Variants in PCBP3 observed in about 807,000 individuals in gnomAD.
The protein encoded by PCBP3 is poly(rC) binding protein 3, also known as poly(rC)-binding protein 3.
In PCBP3, 25 loss-of-function variants were observed where a neutral mutation model predicts 52.7. The ratio of observed to expected loss-of-function variants is 0.47; its 90% CI spans 0.35 to 0.66. PCBP3 has a LOEUF of 0.66. Ranked by LOEUF, PCBP3 falls within the 30% of genes least tolerant of loss-of-function variation. The probability of loss-of-function intolerance (pLI) is 0.01; values close to 1 mark genes in which losing one functional copy is unlikely to be tolerated. For synonymous variants in PCBP3, 162 were observed against 183.0 expected (o/e 0.89, Z 0.93); for missense variants, 391 against 490.3 (o/e 0.80, Z 1.91).
At chr21:45,646,129 G>GTGTGTGTC (rs2079296916) in intron 1 of PCBP3, among the ~76,000 whole-genome samples, 1 of 146,040 alleles carries the variant, frequency 6.8e-6, no homozygotes, top group African/African-American at 2.5e-5. Context: ...GTGTGTGTGT[G>GTGTGTGTC]TGTGTGTGTG....
intron 1 of PCBP3, among the ~76,000 whole-genome samples, chr21:45,667,507 C>T (rs2147206276): frequency 6.6e-6 from 1 of 152,172 alleles, no homozygotes; most frequent in Non-Finnish European, 1.5e-5. Context: ...TTTTTAACTC[C>T]AGAATTTTTA....
intron 4 of PCBP3, among the ~76,000 whole-genome samples, chr21:45,834,792 A>C (rs1199416846): frequency 6.6e-6 from 1 of 152,246 alleles, no homozygotes; most frequent in East Asian, 1.9e-4. Flanking sequence ...AGCTGCCTCT[A>C]GAGGAGAGCA....
chr21:45,784,492 T>G (rs922483406), intron 4 of PCBP3, among the ~76,000 whole-genome samples: 30 of 151,464 alleles, frequency 2.0e-4, no homozygotes, highest in Admixed American at 4.6e-4. Context: ...CTCTTTCCAC[T>G]GTCTCCCTCT....
chr21:45,697,445 TA>T (rs565003173), intron 2 of PCBP3, among the ~76,000 whole-genome samples: 1 of 152,122 alleles, frequency 6.6e-6, no homozygotes, highest in Admixed American at 6.5e-5. Context: ...ACAAACCACT[TA>T]AAAAATATCA....
At chr21:45,683,575 A>G (rs981214818) in intron 2 of PCBP3, among the ~76,000 whole-genome samples, 21 of 152,232 alleles carry the variant, frequency 1.4e-4, no homozygotes, top group Admixed American at 1.2e-3. Flanking sequence ...AAGTCAGGAT[A>G]GAGTTTTCCA....
In PCBP3 at chr21:45,737,008, G is replaced by A. The variant is rs181996398; in HGVS notation, c.-162+1579G>A. 1.2e-3 allele frequency among the ~76,000 whole-genome samples: 188 copies of A among 152,246 alleles called. 1 individual carries two copies. The highest frequency in any genetic ancestry group is 4.4e-3 in the African/African-American group (184 of 41,544). ...GAGGTGCACGTGTGAGCCCCTTGGT[G>A]CAGGAGGTGAGGAGCTGCAGGGCCA... On this transcript the variant is annotated intron_variant, in intron 3 of 17. Coordinates refer to ENST00000681687, the MANE Select transcript of PCBP3 (RefSeq NM_001384156.1). This position sits in a 1 kb window ranked among gnomAD's most constrained non-coding sequence, Gnocchi z 4.9.
chr21:45,838,453 G>C (rs1302317089), intron 4 of PCBP3, among the ~76,000 whole-genome samples: 4 of 152,094 alleles, frequency 2.6e-5, no homozygotes, highest in African/African-American at 9.7e-5. Flanking sequence ...ACCACAGCGT[G>C]AGTATTAGGA....
intron 3 of PCBP3, among the ~76,000 whole-genome samples, chr21:45,747,660 A>G (rs1357092645): frequency 1.3e-5 from 2 of 152,232 alleles, no homozygotes; most frequent in Admixed American, 6.5e-5. Flanking sequence ...GCTCTCAGTC[A>G]CAGAGGCTGC....
intron 6 of PCBP3, among the ~76,000 whole-genome samples, chr21:45,896,845 G>C (rs1190362357): frequency 6.9e-6 from 1 of 145,348 alleles, no homozygotes; most frequent in South Asian, 2.2e-4. Context: ...TGCACTGCCC[G>C]GGCCATTGTC....
chr21:45,774,300 G>A (rs55842944), intron 4 of PCBP3, among the ~76,000 whole-genome samples: 5,212 of 151,568 alleles, frequency 0.034, 193 homozygotes, highest in East Asian at 0.11. Flanking sequence ...CCAGCTACTC[G>A]GGAGGCTGAG....
chr21:45,839,561 A>G (rs2093656218), intron 4 of PCBP3, among the ~76,000 whole-genome samples: 1 of 152,200 alleles, frequency 6.6e-6, no homozygotes, highest in African/African-American at 2.4e-5. Context: ...GAGAAAGGTA[A>G]TTTGGCTTCA....
At chr21:45,938,663 A>G (rs401411) in intron 16 of PCBP3, among the ~76,000 whole-genome samples, 53,676 of 151,822 alleles carry the variant, frequency 0.35, 10,154 homozygotes, top group African/African-American at 0.43. Flanking sequence ...GGGGTCTGAG[A>G]GGTGTGGGGG....
intron 4 of PCBP3, among the ~76,000 whole-genome samples, chr21:45,792,472 A>T (rs907418174): frequency 7.2e-5 from 11 of 152,190 alleles, no homozygotes. Flanking sequence ...TTTCTTTTTT[A>T]AAAAAGACAG....
intron 3 of PCBP3, among the ~76,000 whole-genome samples, chr21:45,743,451 G>A (rs1224749110): frequency 6.6e-6 from 1 of 152,172 alleles, no homozygotes; most frequent in African/African-American, 2.4e-5. Context: ...TTCACTAAAT[G>A]TGTTCATTGC....
intron 16 of PCBP3, among the ~76,000 whole-genome samples, chr21:45,938,614 G>T (rs904419142): frequency 6.6e-6 from 1 of 152,214 alleles, no homozygotes; most frequent in African/African-American, 2.4e-5. Context: ...CTGCGGGTGG[G>T]GCCTTGGGAG....
chr21:45,734,364 A>T (rs1407999100), intron 2 of PCBP3, among the ~76,000 whole-genome samples: 1 of 152,216 alleles, frequency 6.6e-6, no homozygotes, highest in African/African-American at 2.4e-5. Context: ...ATGTCCAGGC[A>T]GAGACTAGAG....
At chr21:45,793,157 G>A (rs887559225) in intron 4 of PCBP3, among the ~76,000 whole-genome samples, 1 of 152,154 alleles carries the variant, frequency 6.6e-6, no homozygotes, top group South Asian at 2.1e-4. Context: ...CCTTCCGGAC[G>A]GAGACTCGGT....
In PCBP3 at chr21:45,896,887, CCGGAGA is replaced by C. The variant is rs1375544586; in HGVS notation, c.165+526_165+531del. Reference sequence around the variant, plus strand: ...GGAAAGGCGGCCGCGGCACATAGAACCGGAGATGCACTGCCTGGGCCATTGTCTCTG... The same window carrying C: ...GGAAAGGCGGCCGCGGCACATAGAACTGCACTGCCTGGGCCATTGTCTCTG... On this transcript the variant is annotated intron_variant, in intron 6 of 17. Coordinates refer to ENST00000681687, the MANE Select transcript of PCBP3 (RefSeq NM_001384156.1). Among the ~76,000 whole-genome samples the C allele has an allele frequency of 6.9e-3, 925 of 134,010 alleles. 136 individuals carry two copies. The highest frequency in any genetic ancestry group is 0.022 in the African/African-American group (697 of 32,086). The allele number at this position is 134,010 out of a possible 152,430, so 87.9% of individuals were successfully genotyped here.
At chr21:45,857,438 A>T (rs2148362152) in intron 5 of PCBP3, among the ~76,000 whole-genome samples, 1 of 152,308 alleles carries the variant, frequency 6.6e-6, no homozygotes, top group African/African-American at 2.4e-5. Flanking sequence ...GAAGCCAAAC[A>T]GATGCCAATG....
Sources: gnomAD v4.1 joint callset for allele counts (sites outside exome capture counted in the v4.1 genomes callset) on GRCh38, gnomAD v4.1.1 for gene constraint, Gnocchi (gnomAD v3.1) non-coding constraint, MANE v1.5 for transcripts, NCBI Gene and HGNC (gene_info 2026-07-23, HGNC 2026-07-21) for gene names.